Variants in ITGA8 observed in about 807,000 individuals in gnomAD.
ITGA8 encodes integrin subunit alpha 8, also known as integrin alpha-8.
ITGA8 carries 91 observed loss-of-function variants against 142.3 expected under a neutral mutation model. The observed-to-expected ratio is 0.64, with a 90% CI of 0.54 to 0.76. The LOEUF is 0.76. Among genes scored for constraint, ITGA8 ranks in the 30% least tolerant of loss-of-function variants. ITGA8 has a pLI of 0.00. For synonymous variants in ITGA8, 505 were observed against 485.2 expected (o/e 1.04, Z -0.54); for missense variants, 1,406 against 1,327.7 (o/e 1.06, Z -0.92).
chr10:15,619,277 C>T (rs139252188), intron 13 of ITGA8, among the ~76,000 whole-genome samples: 13 of 152,190 alleles, frequency 8.5e-5, no homozygotes, highest in African/African-American at 2.9e-4. Flanking sequence ...ACCTAAGACA[C>T]AATAATACTT....
intron 2 of ITGA8, among the ~76,000 whole-genome samples, chr10:15,714,392 T>A (rs1835414448): frequency 6.6e-6 from 1 of 152,220 alleles, no homozygotes; most frequent in African/African-American, 2.4e-5. Flanking sequence ...GGGCATAGTT[T>A]AAAGAGTTCC....
intron 23 of ITGA8, among the ~76,000 whole-genome samples, 169 bp downstream of exon 23, chr10:15,586,415 T>C (rs962036489): frequency 4.6e-5 from 7 of 152,182 alleles, no homozygotes; most frequent in Non-Finnish European, 1.0e-4. Context: ...GGGTTTACTC[T>C]GCTTTCCAAT....
chr10:15,574,113 T>A (rs1261699784), intron 24 of ITGA8, among the ~76,000 whole-genome samples: 1 of 151,878 alleles, frequency 6.6e-6, no homozygotes, highest in Non-Finnish European at 1.5e-5. Context: ...TGAGCCACTG[T>A]GCCCAGCCAT....
chr10:15,573,642 G>C (rs1001051819), intron 24 of ITGA8, among the ~76,000 whole-genome samples: 3 of 152,028 alleles, frequency 2.0e-5, no homozygotes, highest in Non-Finnish European at 2.9e-5. Context: ...TTTTGAAAAG[G>C]CTTTATTGTT....
chr10:15,644,134 T>C lies in ITGA8; in HGVS notation c.1295A>G (p.Lys432Arg). 1 of 1,614,184 alleles carries C rather than the reference T, an allele frequency of 6.2e-7. No individual in the cohort carries two copies. ...CACTCCTTGCAGAACTTGGGAAGGCTTGGTGTTTAAGCCATCTTTGTTCCC... is the reference window on the plus strand; with the variant it reads ...CACTCCTTGCAGAACTTGGGAAGGCCTGGTGTTTAAGCCATCTTTGTTCCC... ...YNGNKDGLNTKPSQVLQGVWA... is the reference protein window; with the variant it reads ...YNGNKDGLNTRPSQVLQGVWA... The change falls in exon 13 of 30, where the codon AAG becomes AGG. Residue 432 changes from lysine (K) to arginine (R), a missense_variant. Transcript: ENST00000378076.
intron 13 of ITGA8, 57 bp from the exon 14 acceptor site, chr10:15,616,616 A>G (rs1354675556): frequency 6.8e-7 from 1 of 1,466,410 alleles, no homozygotes; most frequent in Non-Finnish European, 9.5e-7. Context: ...CAATTTACTA[A>G]GTTCAAAATC....
intron 17 of ITGA8, 48 bp from the exon 18 acceptor site, chr10:15,606,470 C>A (rs1472502034): frequency 6.4e-7 from 1 of 1,550,826 alleles, no homozygotes; most frequent in Admixed American, 1.8e-5. Context: ...GAAATAGCTG[C>A]AAGATGTCAG....
chr10:15,627,187 T>C lies in ITGA8; in HGVS notation c.1400-10628A>G, dbSNP rs11253583. On this transcript the variant is annotated intron_variant, in intron 13 of 29. Transcript: ENST00000378076. ...AAACACAGGCCAGGATCCACTGAAT[T>C]GAAGTCCCTGGGTGGGACCTACTTT... Among the ~76,000 whole-genome samples the C allele has an allele frequency of 8.2e-4, 125 of 152,258 alleles. No individual in the cohort carries two copies. In the East Asian group the frequency reaches 0.019, roughly 23 times the overall value.
In ITGA8 at chr10:15,550,641, A is replaced by G. The variant is rs1371663003; in HGVS notation, c.2767-2073T>C. Among the ~76,000 whole-genome samples, 2 of 152,200 alleles carry G rather than the reference A, an allele frequency of 1.3e-5. 1 individual carries two copies. Among genetic ancestry groups the G allele is most frequent in the East Asian group, 3.9e-4 (2 of 5,192 alleles). ...TACTAGACCAGGGCATGCTTGAGAA[A>G]GGGAAGAGCAGGGTATATGAGGGTG... On this transcript the variant is annotated intron_variant, in intron 26 of 29. Transcript: ENST00000378076.
intron 14 of ITGA8, 51 bp from the exon 15 acceptor site, chr10:15,613,818 G>A: frequency 8.0e-7 from 1 of 1,250,624 alleles, no homozygotes; most frequent in Non-Finnish European, 1.2e-6. Context: ...AGGGTGATAG[G>A]CAGGCAGAAG....
In ITGA8 at chr10:15,517,043, C is replaced by CAAAA; in HGVS notation, c.*114_*115insTTTT. ...GAGGTGATGTTTCCAGGGTCCCCTC[C>CAAAA]ATTTCCTGGGTCACTGTCAGGTATC... On this transcript the variant is annotated 3_prime_UTR_variant, in exon 30 of 30. Transcript: ENST00000378076. 9 of 551,532 alleles carry CAAAA rather than the reference C, an allele frequency of 1.6e-5. No individual in the cohort carries two copies. Among genetic ancestry groups the CAAAA allele is most frequent in the Non-Finnish European group, 2.6e-5 (9 of 348,080 alleles). The allele number at this position is 551,532 out of a possible 1,614,324, so 34.2% of individuals were successfully genotyped here.
At chr10:15,586,483 G>T in intron 23 of ITGA8, 101 bp downstream of exon 23, 8 of 660,670 alleles carry the variant, frequency 1.2e-5, no homozygotes, top group Non-Finnish European at 2.2e-5. Flanking sequence ...AATGAACTGT[G>T]ATCTCTAATG....
At chr10:15,535,084 C>G (rs1041531570) in intron 27 of ITGA8, among the ~76,000 whole-genome samples, 1 of 152,180 alleles carries the variant, frequency 6.6e-6, no homozygotes, top group South Asian at 2.1e-4. Context: ...CCCGGGCCAG[C>G]GGCTGCGGTA....
chr10:15,698,735 C>T (rs1278843176), intron 2 of ITGA8, among the ~76,000 whole-genome samples: 1 of 152,136 alleles, frequency 6.6e-6, no homozygotes. Context: ...TGTTCATGTC[C>T]TTAGCCCACT....
intron 27 of ITGA8, among the ~76,000 whole-genome samples, chr10:15,542,881 C>G (rs1833599367): frequency 6.6e-6 from 1 of 152,092 alleles, no homozygotes; most frequent in African/African-American, 2.4e-5. Flanking sequence ...GGCGATCACT[C>G]AATAGTAATC....
At chr10:15,637,699 G>C (rs1466989080) in intron 13 of ITGA8, among the ~76,000 whole-genome samples, 7 of 151,940 alleles carry the variant, frequency 4.6e-5, no homozygotes, top group African/African-American at 1.7e-4. Context: ...TTTTAGTAGA[G>C]AAAGAGGTTT....
At chr10:15,580,336 A>T (rs1834385543) in intron 23 of ITGA8, among the ~76,000 whole-genome samples, 1 of 152,122 alleles carries the variant, frequency 6.6e-6, no homozygotes, top group Non-Finnish European at 1.5e-5. Flanking sequence ...AAATAGAAAT[A>T]GATATTATAA....
intron 15 of ITGA8, chr10:15,611,383 G>A (rs1833290538): frequency 6.6e-6 from 1 of 151,970 alleles, no homozygotes; most frequent in Non-Finnish European, 1.5e-5. Context: ...ATAACAAATT[G>A]CACTTTATCT....
At chr10:15,562,898 A>T (rs1377744461) in intron 25 of ITGA8, among the ~76,000 whole-genome samples, 1 of 152,172 alleles carries the variant, frequency 6.6e-6, no homozygotes, top group Non-Finnish European at 1.5e-5. Flanking sequence ...GTCGAGTTTT[A>T]ATTCCCAATG....
Sources: gnomAD v4.1 joint callset for allele counts (sites outside exome capture counted in the v4.1 genomes callset) on GRCh38, gnomAD v4.1.1 for gene constraint, MANE v1.5 for transcripts, NCBI Gene and HGNC (gene_info 2026-07-23, HGNC 2026-07-21) for gene names.